The following SERPINB12 variants were observed in gnomAD, a reference collection of about 807,000 sequenced individuals.
SERPINB12 encodes serpin B12.
A neutral mutation model predicts 41.1 loss-of-function variants in SERPINB12; 57 were observed. The observed-to-expected ratio is 1.39, with a 90% CI of 1.12 to 1.73. The LOEUF is 1.73. SERPINB12 is among the 40% of genes most tolerant of loss of function. The pLI, the probability that SERPINB12 is intolerant of heterozygous loss-of-function variation, is 0.00. For missense variants in SERPINB12, 536 were observed against 501.9 expected (o/e 1.07, Z -0.65); for synonymous variants, 180 against 181.3 (o/e 0.99, Z 0.06).
chr18:63,559,140 G>A lies in SERPINB12; in HGVS notation c.304-438G>A, dbSNP rs138991606. Among the ~76,000 whole-genome samples the A allele has an allele frequency of 6.8e-5, 10 of 147,406 alleles. No homozygotes were observed. In the East Asian group the frequency reaches 2.0e-3, roughly 29 times the overall value. On this transcript the variant is annotated intron_variant, in intron 3 of 7. Coordinates refer to ENST00000382768, the MANE Select transcript of SERPINB12 (RefSeq NM_001307928.2). ...GTTTTTTCTGAGATGGAGTTTCGTTGTGTTGCCAGGCTGGAGTGCAGTGGC... is the reference window on the plus strand; with the variant it reads ...GTTTTTTCTGAGATGGAGTTTCGTTATGTTGCCAGGCTGGAGTGCAGTGGC...
the SERPINB12 span, among the ~76,000 whole-genome samples, chr18:63,533,833 G>T: frequency 6.6e-6 from 1 of 152,144 alleles, no homozygotes; most frequent in Admixed American, 6.6e-5. Context: ...TTTGGAGAAG[G>T]GGAGATTTTT....
In SERPINB12 at chr18:63,556,657, G is replaced by A. The variant is rs1336807769; in HGVS notation, c.168+330G>A. On this transcript the variant is annotated intron_variant, in intron 2 of 7. Coordinates refer to ENST00000382768, the MANE Select transcript of SERPINB12 (RefSeq NM_001307928.2). ...GATTGCTAATACCAATATTGCTAGC[G>A]ATTTTTAGTATGTGTATATGTCTTC... Among the ~76,000 whole-genome samples the A allele has an allele frequency of 3.9e-5, 6 of 152,000 alleles. No homozygotes were observed. In the East Asian group the frequency reaches 5.8e-4, roughly 15 times the overall value.
At chr18:63,554,145 G>C (rs1857022286) in intron 1 of SERPINB12, among the ~76,000 whole-genome samples, 1 of 152,292 alleles carries the variant, frequency 6.6e-6, no homozygotes, top group Non-Finnish European at 1.5e-5. Flanking sequence ...TAAGGGGGGA[G>C]AGTACCCACA....
At chr18:63,544,109 G>T (rs1470968469) in intron 1 of SERPINB12, among the ~76,000 whole-genome samples, 1 of 152,128 alleles carries the variant, frequency 6.6e-6, no homozygotes, top group Non-Finnish European at 1.5e-5. Context: ...TTGCAGCTTT[G>T]CAGGCCATGT....
intron 5 of SERPINB12, 66 bp downstream of exon 5, chr18:63,561,268 G>A (rs2144344622): frequency 3.2e-6 from 3 of 944,170 alleles, no homozygotes; most frequent in Non-Finnish European, 5.1e-6. Flanking sequence ...GGTCTGCCTA[G>A]CTTTGCAGAC....
At chr18:63,559,800 C>A in intron 4 of SERPINB12, 82 bp downstream of exon 4, 2 of 1,404,700 alleles carry the variant, frequency 1.4e-6, no homozygotes, top group South Asian at 1.3e-5. Flanking sequence ...TACTCACCTG[C>A]CATCTAGAAC....
chr18:63,563,909 AAAAAAT>A (rs200532521), intron 5 of SERPINB12, 63 bp from the exon 6 acceptor site: 157,899 of 1,029,226 alleles, frequency 0.15, 281 homozygotes, highest in Non-Finnish European at 0.17. Context: ...AAAAAAAAAA[AAAAAAT>A]TATCTACACA....
chr18:63,530,515 C>T, the SERPINB12 span, among the ~76,000 whole-genome samples: 1 of 152,142 alleles, frequency 6.6e-6, no homozygotes, highest in South Asian at 2.1e-4. Flanking sequence ...ACTTCTTGAC[C>T]TAGAATGATA....
chr18:63,548,689 A>T (rs114392248), intron 1 of SERPINB12, among the ~76,000 whole-genome samples: 1 of 152,176 alleles, frequency 6.6e-6, no homozygotes, highest in African/African-American at 2.4e-5. Context: ...GTGAGAATTT[A>T]TAAAGAGAAA....
intron 1 of SERPINB12, among the ~76,000 whole-genome samples, chr18:63,548,661 A>G (rs897239418): frequency 2.0e-5 from 3 of 152,098 alleles, no homozygotes; most frequent in African/African-American, 4.8e-5. Context: ...TGAAAGATGA[A>G]CAAGAGACAG....
chr18:63,551,372 C>T (rs1398387681), intron 1 of SERPINB12, among the ~76,000 whole-genome samples: 2 of 152,048 alleles, frequency 1.3e-5, no homozygotes, highest in African/African-American at 4.8e-5. Flanking sequence ...GTTGCCCAGG[C>T]TGGAGTGCAA....
chr18:63,539,833 A>G (rs1910239996), upstream of SERPINB12, among the ~76,000 whole-genome samples: 1 of 152,152 alleles, frequency 6.6e-6, no homozygotes, highest in South Asian at 2.1e-4. Flanking sequence ...TTTTGTGCAC[A>G]ACTTTTACAA....
At chr18:63,539,370 C>A (rs1174360878), upstream of SERPINB12, among the ~76,000 whole-genome samples, 1 of 152,046 alleles carries the variant, frequency 6.6e-6, no homozygotes, top group Non-Finnish European at 1.5e-5. Flanking sequence ...AAGCAAAATG[C>A]ACAAAATTTC....
intron 1 of SERPINB12, among the ~76,000 whole-genome samples, chr18:63,548,147 T>C (rs1910432369): frequency 6.6e-6 from 1 of 152,188 alleles, no homozygotes; most frequent in Admixed American, 6.5e-5. Flanking sequence ...AATTAACTCT[T>C]TAGAGGGAGA....
chr18:63,532,031 G>T, the SERPINB12 span, among the ~76,000 whole-genome samples: 2 of 152,148 alleles, frequency 1.3e-5, no homozygotes, highest in Non-Finnish European at 2.9e-5. Context: ...GCATTTCCAA[G>T]ATCTTAGGAA....
At chr18:63,548,396 A>G (rs1440404586) in intron 1 of SERPINB12, among the ~76,000 whole-genome samples, 1 of 152,152 alleles carries the variant, frequency 6.6e-6, no homozygotes, top group Non-Finnish European at 1.5e-5. Flanking sequence ...AATTGAAAGT[A>G]GATGAGGTTT....
chr18:63,532,772 C>A, the SERPINB12 span, among the ~76,000 whole-genome samples: 1 of 152,090 alleles, frequency 6.6e-6, no homozygotes, highest in Non-Finnish European at 1.5e-5. Flanking sequence ...ATTCTGGCTT[C>A]TGAGTGATGT....
the SERPINB12 span, among the ~76,000 whole-genome samples, chr18:63,520,516 G>T: frequency 6.6e-6 from 1 of 152,312 alleles, no homozygotes; most frequent in Non-Finnish European, 1.5e-5. Flanking sequence ...CTTCATGCTG[G>T]CTGAGGAGTC....
chr18:63,519,376 C>T, the SERPINB12 span, among the ~76,000 whole-genome samples: 10 of 152,228 alleles, frequency 6.6e-5, no homozygotes, highest in Non-Finnish European at 1.2e-4. Flanking sequence ...TGGATCTACT[C>T]TGTACCAGCC....
Sources: allele counts gnomAD v4.1 joint callset (sites outside exome capture counted in the v4.1 genomes callset), GRCh38; gene constraint gnomAD v4.1.1; transcripts MANE v1.5; gene names NCBI Gene and HGNC (gene_info 2026-07-23, HGNC 2026-07-21).